Variants in CREB5 observed in about 807,000 individuals in gnomAD.
The protein encoded by CREB5 is cyclic AMP-responsive element-binding protein 5.
A neutral mutation model predicts 57.1 loss-of-function variants in CREB5; 19 were observed. The ratio of observed to expected loss-of-function variants is 0.33; its 90% CI spans 0.23 to 0.49. The LOEUF is 0.49. Among genes scored for constraint, CREB5 ranks in the 20% least tolerant of loss-of-function variants. CREB5 has a pLI of 0.99. For synonymous variants in CREB5, 238 were observed against 238.3 expected (o/e 1.00, Z 0.01); for missense variants, 579 against 671.6 (o/e 0.86, Z 1.52).
At chr7:28,812,983 A>G (rs1331583161) in intron 9 of CREB5, among the ~76,000 whole-genome samples, 2 of 152,246 alleles carry the variant, frequency 1.3e-5, no homozygotes, top group South Asian at 2.1e-4. Context: ...ACCAGACCTA[A>G]GAAAACAAAA....
At chr7:28,645,347 C>A (rs1165114422) in intron 5 of CREB5, among the ~76,000 whole-genome samples, 1 of 152,084 alleles carries the variant, frequency 6.6e-6, no homozygotes, top group Non-Finnish European at 1.5e-5. Context: ...TACAGTTGTT[C>A]TGTGGATGGT....
rs190243692 is a variant in CREB5, at chr7:28,546,602, G to A, written c.292-23763G>A. On this transcript the variant is annotated intron_variant, in intron 4 of 10. Transcript: ENST00000357727. The stretch of plus-strand genomic sequence containing the variant: ...TGGCCAAGACCTGCTCGTATGAGAG[G>A]GATGTGCATAGATCTTGTATATGTG... Among the ~76,000 whole-genome samples, 4 of 152,272 alleles carry A rather than the reference G, an allele frequency of 2.6e-5. No homozygotes were observed. The East Asian group carries it at 7.7e-4, about 29-fold the overall frequency.
intron 1 of CREB5, among the ~76,000 whole-genome samples, chr7:28,399,347 GC>G (rs1787401039): frequency 6.9e-6 from 1 of 144,910 alleles, no homozygotes; most frequent in African/African-American, 2.6e-5. Context: ...GCAATCCTAA[GC>G]AAAAAGAACA....
intron 4 of CREB5, among the ~76,000 whole-genome samples, chr7:28,560,135 A>T (rs1022274219): frequency 6.6e-6 from 1 of 152,212 alleles, no homozygotes; most frequent in African/African-American, 2.4e-5. Context: ...AAGGTACATG[A>T]TCCTCATTTT....
chr7:28,432,676 G>C (rs1242017919), intron 1 of CREB5, among the ~76,000 whole-genome samples: 3 of 152,102 alleles, frequency 2.0e-5, no homozygotes, highest in African/African-American at 7.2e-5. Context: ...AGGAATAAAG[G>C]AATTTTAGAT....
At chr7:28,334,980 C>T (rs1785793963) in intron 1 of CREB5, among the ~76,000 whole-genome samples, 1 of 152,096 alleles carries the variant, frequency 6.6e-6, no homozygotes, top group South Asian at 2.1e-4. Context: ...ATTGTATGTT[C>T]TTGTCACTCT....
At chr7:28,594,731 T>G (rs1796638056) in intron 5 of CREB5, among the ~76,000 whole-genome samples, 1 of 152,220 alleles carries the variant, frequency 6.6e-6, no homozygotes, top group Admixed American at 6.5e-5. Context: ...TTCTCTCTAA[T>G]GAATAGTTTT....
At chr7:28,796,069 A>G (rs1298562347) in intron 7 of CREB5, among the ~76,000 whole-genome samples, 1 of 152,122 alleles carries the variant, frequency 6.6e-6, no homozygotes, top group Non-Finnish European at 1.5e-5. Context: ...AACCATTTTA[A>G]GGTGTGCATT....
rs556796654 is a variant in CREB5, at chr7:28,598,229, G to A, written c.464+27692G>A. Among the ~76,000 whole-genome samples the A allele has an allele frequency of 6.6e-5, 10 of 152,198 alleles. 1 individual carries two copies. In the East Asian group the frequency reaches 1.2e-3, roughly 18 times the overall value. ...TCTGATGGGTTTGTCAGGGGTTTCC[G>A]CTTTTGCTTCTTCCTCATTTTTCTC... On this transcript the variant is annotated intron_variant, in intron 5 of 10. Coordinates refer to ENST00000357727, the MANE Select transcript of CREB5 (RefSeq NM_182898.4).
At chr7:28,397,318 G>A (rs1787357801) in intron 1 of CREB5, among the ~76,000 whole-genome samples, 1 of 152,200 alleles carries the variant, frequency 6.6e-6, no homozygotes, top group Admixed American at 6.5e-5. Context: ...ATGAGTGATG[G>A]CAGCTGTATT....
At chr7:28,787,159 G>C (rs1379028365) in intron 7 of CREB5, among the ~76,000 whole-genome samples, 1 of 152,150 alleles carries the variant, frequency 6.6e-6, no homozygotes, top group Admixed American at 6.5e-5. Context: ...ACATCTGCCT[G>C]TGGGTTTAAC....
chr7:28,550,896 G>A (rs2128633182), intron 4 of CREB5, among the ~76,000 whole-genome samples: 1 of 152,272 alleles, frequency 6.6e-6, no homozygotes, highest in Middle Eastern at 3.4e-3. Flanking sequence ...ATCACCCCGA[G>A]GCTTCAGCTT....
chr7:28,771,893 A>G (rs567872465), intron 7 of CREB5, among the ~76,000 whole-genome samples: 6 of 152,278 alleles, frequency 3.9e-5, no homozygotes, highest in African/African-American at 1.4e-4. Context: ...TGTGCTCCAT[A>G]AACTCAGGGA....
At chr7:28,383,480 C>T (rs967606652) in intron 1 of CREB5, among the ~76,000 whole-genome samples, 3 of 152,188 alleles carry the variant, frequency 2.0e-5, no homozygotes, top group African/African-American at 7.2e-5. Flanking sequence ...ATCTACTCAG[C>T]ATCTACTTAG....
At chr7:28,740,895 T>C (rs572268016) in intron 7 of CREB5, among the ~76,000 whole-genome samples, 29 of 152,252 alleles carry the variant, frequency 1.9e-4, no homozygotes, top group African/African-American at 6.5e-4. Flanking sequence ...GGATATTTAC[T>C]CAGGCAAAAA....
intron 1 of CREB5, among the ~76,000 whole-genome samples, chr7:28,395,010 T>C (rs541202413): frequency 1.3e-5 from 2 of 152,204 alleles, no homozygotes; most frequent in Non-Finnish European, 2.9e-5. Context: ...AGATTATCTC[T>C]ATTCCCTGAA....
At chr7:28,314,668 C>T (rs960240087) in intron 1 of CREB5, among the ~76,000 whole-genome samples, 4 of 152,126 alleles carry the variant, frequency 2.6e-5, no homozygotes, top group Non-Finnish European at 4.4e-5. Context: ...TAGTGAGCAG[C>T]GACACACTAC....
At chr7:28,657,379 T>C (rs1583490094) in intron 5 of CREB5, among the ~76,000 whole-genome samples, 1 of 152,300 alleles carries the variant, frequency 6.6e-6, no homozygotes. Flanking sequence ...TTCCCCTTGC[T>C]GTTGCAATTG....
chr7:28,480,757 C>T (rs934790588), intron 1 of CREB5, among the ~76,000 whole-genome samples: 2 of 152,298 alleles, frequency 1.3e-5, no homozygotes, highest in African/African-American at 4.8e-5. Context: ...TGCATGGTAA[C>T]AAGGGGACAA....
Sources: gnomAD v4.1 joint callset for allele counts (sites outside exome capture counted in the v4.1 genomes callset) on GRCh38, gnomAD v4.1.1 for gene constraint, MANE v1.5 for transcripts, NCBI Gene and HGNC (gene_info 2026-07-23, HGNC 2026-07-21) for gene names.